Variants in PLXDC2 observed in about 807,000 individuals in gnomAD.
PLXDC2 encodes plexin domain containing 2.
A neutral mutation model predicts 68.9 loss-of-function variants in PLXDC2; 40 were observed. That is an observed-to-expected ratio of 0.58 (90% CI 0.45 to 0.76). The LOEUF is 0.76. Ranked by LOEUF, PLXDC2 falls within the 30% of genes least tolerant of loss-of-function variation. PLXDC2 has a pLI of 0.00. For synonymous variants in PLXDC2, 243 were observed against 234.2 expected, an observed-to-expected ratio of 1.04 and a Z score of -0.34; for missense variants, 644 against 661.9, an observed-to-expected ratio of 0.97 and a Z score of 0.30.
chr10:20,226,798 G>T (rs1057338467), intron 12 of PLXDC2, among the ~76,000 whole-genome samples: 18 of 152,030 alleles, frequency 1.2e-4, no homozygotes, highest in Non-Finnish European at 2.1e-4. Flanking sequence ...ACCTCCCTTT[G>T]GTGGATACCT....
At chr10:19,976,944 T>C (rs1834467645) in intron 1 of PLXDC2, among the ~76,000 whole-genome samples, 1 of 152,144 alleles carries the variant, frequency 6.6e-6, no homozygotes, top group African/African-American at 2.4e-5. Context: ...TTCTAGGAGT[T>C]ATTTCCTCCT....
intron 1 of PLXDC2, among the ~76,000 whole-genome samples, chr10:19,962,962 C>A (rs1834185282): frequency 6.9e-6 from 1 of 145,550 alleles, no homozygotes; most frequent in African/African-American, 2.5e-5. Context: ...TGTACTCCAG[C>A]CTGGGCGACA....
intron 2 of PLXDC2, among the ~76,000 whole-genome samples, chr10:20,035,610 C>T (rs1835563940): frequency 6.6e-6 from 1 of 151,934 alleles, no homozygotes; most frequent in South Asian, 2.1e-4. Flanking sequence ...GGAGGAGAAT[C>T]GTTTGAACCC....
chr10:19,896,078 G>A (rs554190101), intron 1 of PLXDC2, among the ~76,000 whole-genome samples: 2 of 152,210 alleles, frequency 1.3e-5, no homozygotes, highest in Non-Finnish European at 2.9e-5. Flanking sequence ...AGTTCAAAAG[G>A]TATCCAACTC....
At chr10:20,155,953 C>T (rs1463122970) in intron 6 of PLXDC2, among the ~76,000 whole-genome samples, 1 of 152,070 alleles carries the variant, frequency 6.6e-6, no homozygotes, top group African/African-American at 2.4e-5. Flanking sequence ...GATCTCAGCT[C>T]GCTGCAACCT....
At chr10:20,147,937 C>G (rs989501927) in intron 6 of PLXDC2, 35 bp downstream of exon 6, 5 of 1,441,918 alleles carry the variant, frequency 3.5e-6, no homozygotes, top group Non-Finnish European at 4.9e-6. Context: ...TTCCCTTCCC[C>G]TTGTTCTTGA....
chr10:19,837,403 A>T (rs1022450905), intron 1 of PLXDC2, among the ~76,000 whole-genome samples: 7 of 60,558 alleles, frequency 1.2e-4, no homozygotes, highest in Non-Finnish European at 1.9e-4. Context: ...AGAGAGAGAG[A>T]GAGAGAGTGT....
At chr10:20,042,017 G>T (rs908786367) in intron 2 of PLXDC2, among the ~76,000 whole-genome samples, 13 of 152,106 alleles carry the variant, frequency 8.5e-5, no homozygotes, top group Non-Finnish European at 1.9e-4. Context: ...TTCCATTTAC[G>T]AATTTTAGCA....
At chr10:20,236,605 C>T (rs1033162901) in intron 12 of PLXDC2, among the ~76,000 whole-genome samples, 3 of 152,092 alleles carry the variant, frequency 2.0e-5, no homozygotes, top group Non-Finnish European at 2.9e-5. Context: ...CAAAGAAGAG[C>T]ACATATACAC....
chr10:20,225,026 C>G (rs1835267647), intron 12 of PLXDC2, among the ~76,000 whole-genome samples: 1 of 152,050 alleles, frequency 6.6e-6, no homozygotes, highest in Admixed American at 6.6e-5. Flanking sequence ...GTTTGAAGAT[C>G]ATGTTTAAGT....
intron 1 of PLXDC2, among the ~76,000 whole-genome samples, chr10:19,833,636 AAGAAAAT>A (rs772850247): frequency 6.6e-6 from 1 of 152,240 alleles, no homozygotes; most frequent in Non-Finnish European, 1.5e-5. Context: ...ACTTTGAAGC[AAGAAAAT>A]ACTTTGACCT....
intron 1 of PLXDC2, among the ~76,000 whole-genome samples, chr10:19,848,150 T>TA (rs932991216): frequency 8.6e-5 from 13 of 152,006 alleles, no homozygotes; most frequent in Non-Finnish European, 1.6e-4. Context: ...TCTTTTTAAT[T>TA]AAAAAAAAGA....
At chr10:20,167,935 G>T (rs1413309380) in intron 7 of PLXDC2, among the ~76,000 whole-genome samples, 1 of 151,944 alleles carries the variant, frequency 6.6e-6, no homozygotes, top group Non-Finnish European at 1.5e-5. Flanking sequence ...CAAAACACTT[G>T]TTTTTCAGTT....
intron 12 of PLXDC2, 64 bp downstream of exon 12, chr10:20,219,166 C>T: frequency 6.6e-7 from 1 of 1,520,134 alleles, no homozygotes; most frequent in Non-Finnish European, 8.9e-7. Context: ...ATTTATTTTA[C>T]TATGAGAAAG....
chr10:19,904,174 T>C (rs1415996475), intron 1 of PLXDC2, among the ~76,000 whole-genome samples: 1 of 152,222 alleles, frequency 6.6e-6, no homozygotes, highest in East Asian at 1.9e-4. Context: ...TCGGGTAGAA[T>C]GTTCTGTAAA....
intron 1 of PLXDC2, among the ~76,000 whole-genome samples, chr10:19,881,114 G>A (rs537893597): frequency 2.2e-4 from 33 of 151,764 alleles, no homozygotes; most frequent in Non-Finnish European, 3.1e-4. Flanking sequence ...TGTAAGATGC[G>A]ATTTTTTTTT....
chr10:20,125,086 A>G (rs891183246), intron 4 of PLXDC2, among the ~76,000 whole-genome samples: 2 of 152,138 alleles, frequency 1.3e-5, no homozygotes, highest in South Asian at 2.1e-4. Context: ...AATCCAAAAC[A>G]TTTAACAGCT....
At chr10:20,094,854 G>T (rs7098330) in intron 4 of PLXDC2, among the ~76,000 whole-genome samples, 101,769 of 152,034 alleles carry the variant, frequency 0.67, 35,346 homozygotes, top group East Asian at 1. Flanking sequence ...GAATTTTATT[G>T]TATAAGACAA....
intron 9 of PLXDC2, among the ~76,000 whole-genome samples, chr10:20,206,435 G>C (rs1834993192): frequency 6.6e-6 from 1 of 152,100 alleles, no homozygotes; most frequent in Admixed American, 6.6e-5. Flanking sequence ...GGAGATTGGG[G>C]TTGATTTGGA....
Sources: allele counts gnomAD v4.1 joint callset (sites outside exome capture counted in the v4.1 genomes callset), GRCh38; gene constraint gnomAD v4.1.1; transcripts MANE v1.5; gene names NCBI Gene and HGNC (gene_info 2026-07-23, HGNC 2026-07-21).